MYH15: variants seen among roughly 807,000 people sequenced by gnomAD.
The protein encoded by MYH15 is myosin heavy chain 15.
In MYH15, 227 loss-of-function variants were observed where a neutral mutation model predicts 240.5. The observed-to-expected ratio is 0.94, with a 90% CI of 0.85 to 1.05. The LOEUF (loss-of-function observed/expected upper bound fraction) is 1.05. Among genes scored for constraint, MYH15 ranks in the 50% least tolerant of loss-of-function variants. The pLI is 0.00. For missense variants in MYH15, 2,217 were observed against 2,247.5 expected (o/e 0.99, Z 0.27); for synonymous variants, 785 against 796.7 (o/e 0.99, Z 0.25).
At chr3:108,546,262 GCTGT>G in the MYH15 span, among the ~76,000 whole-genome samples, 1 of 152,150 alleles carries the variant, frequency 6.6e-6, no homozygotes, top group Non-Finnish European at 1.5e-5. Flanking sequence ...GATGAACAGT[GCTGT>G]CTTTTGCTAG....
At chr3:108,458,796 T>C (rs1277266525) in intron 18 of MYH15, among the ~76,000 whole-genome samples, 2 of 151,602 alleles carry the variant, frequency 1.3e-5, no homozygotes, top group South Asian at 2.1e-4. Flanking sequence ...ATCATCCCCC[T>C]ACCACTATTC....
intron 1 of MYH15, among the ~76,000 whole-genome samples, chr3:108,507,710 G>A (rs1303604651): frequency 6.6e-6 from 1 of 152,126 alleles, no homozygotes; most frequent in East Asian, 1.9e-4. Context: ...AAAACTGCTT[G>A]GCAAGAGGAG....
Position 108,470,064 on chromosome 3 carries a change from G to A in MYH15, c.1532C>T (p.Ala511Val), listed in dbSNP as rs1211735056. The A allele has an allele frequency of 6.2e-7, 1 of 1,603,904 alleles. No homozygotes were observed. The highest frequency in any genetic ancestry group is 1.1e-5 in the South Asian group (1 of 88,632). ...TACCTTCTCAATGAGATCTATGCAAGCTTGCAAATCCAGACCAAAGCCAAT... is the reference window on the plus strand; with the variant it reads ...TACCTTCTCAATGAGATCTATGCAAACTTGCAAATCCAGACCAAAGCCAAT... The part of the protein sequence containing the change: ...VSIGFGLDLQ[A>V]CIDLIEKPMG... The change falls in exon 14 of 41, where the codon GCT (alanine) becomes GTT (valine). Residue 511 changes from alanine (A) to valine (V), a missense_variant. By Grantham distance (64) the Ala-to-Val change is moderately conservative. Coordinates refer to ENST00000693548, the MANE Select transcript of MYH15 (RefSeq NM_014981.3).
chr3:108,430,665 C>T (rs1050437732), intron 26 of MYH15, among the ~76,000 whole-genome samples, 167 bp downstream of exon 26: 1 of 152,288 alleles, frequency 6.6e-6, no homozygotes, highest in Non-Finnish European at 1.5e-5. Flanking sequence ...AAGCTTAACT[C>T]TATCTGTGGA....
At chr3:108,415,685 A>T (rs1248078208) in intron 29 of MYH15, among the ~76,000 whole-genome samples, 1 of 152,198 alleles carries the variant, frequency 6.6e-6, no homozygotes, top group African/African-American at 2.4e-5. Context: ...TCATCCCTCT[A>T]AGACTTCGGT....
At chr3:108,510,090 T>C (rs1237855215) in intron 1 of MYH15, among the ~76,000 whole-genome samples, 1 of 152,176 alleles carries the variant, frequency 6.6e-6, no homozygotes, top group Non-Finnish European at 1.5e-5. Context: ...CCCCTCTCTC[T>C]ACTGTGGCAT....
rs376164516 is a variant in MYH15 at position 108,430,821 on chromosome 3, T to C, written c.3312+11A>G. The C allele has an allele frequency of 2.4e-5, 38 of 1,597,796 alleles. No homozygotes were observed. In the African/African-American group the frequency reaches 4.5e-4, roughly 19 times the overall value. On this transcript the variant is annotated intron_variant, in intron 26 of 40. Transcript: ENST00000693548. ...AATATAAATACACAGGCATATTTGATAATTGATTACCTGAAGCTCTTTAAC... is the reference window on the plus strand; with the variant it reads ...AATATAAATACACAGGCATATTTGACAATTGATTACCTGAAGCTCTTTAAC...
At chr3:108,414,562 A>AGAG in intron 29 of MYH15, 134 bp from the exon 30 acceptor site, 1 of 684,210 alleles carries the variant, frequency 1.5e-6, no homozygotes, top group Non-Finnish European at 2.4e-6. Flanking sequence ...GAACCTAGTA[A>AGAG]GATAACACTA....
chr3:108,464,803 G>C lies in MYH15; in HGVS notation c.1566C>G (p.Ile522Met). 1 of 1,607,762 alleles carries C rather than the reference G, an allele frequency of 6.2e-7. No homozygotes were observed. The highest frequency in any genetic ancestry group is 8.5e-7 in the Non-Finnish European group (1 of 1,178,032). Residue 522 changes from isoleucine to methionine, a missense_variant, in exon 15 of 41, where the codon ATC becomes ATG. Coordinates refer to ENST00000693548, the MANE Select transcript of MYH15 (RefSeq NM_014981.3). ...TACACTCTTCTTCAAGGATGGAAAG[G>C]ATGCCCATTGGCTGTTGAAGAGACA... ...CIDLIEKPMG[I>M]LSILEEECMF...
chr3:108,523,355 T>C (rs2083637830), intron 1 of MYH15, among the ~76,000 whole-genome samples: 1 of 151,944 alleles, frequency 6.6e-6, no homozygotes, highest in Non-Finnish European at 1.5e-5. Context: ...TTTCTGGGTA[T>C]AAATTAGGGT....
At chr3:108,517,079 G>A (rs1490975513) in intron 1 of MYH15, among the ~76,000 whole-genome samples, 1 of 151,968 alleles carries the variant, frequency 6.6e-6, no homozygotes, top group Non-Finnish European at 1.5e-5. Context: ...CTGGTTGCTG[G>A]GGTCCCTTCT....
At chr3:108,436,844 T>A (rs1337054392) in intron 25 of MYH15, among the ~76,000 whole-genome samples, 1 of 151,966 alleles carries the variant, frequency 6.6e-6, no homozygotes, top group Non-Finnish European at 1.5e-5. Context: ...TTATTTGGTA[T>A]AATCTAAATA....
chr3:108,471,218 A>G (rs1282345090), intron 12 of MYH15, among the ~76,000 whole-genome samples: 2 of 152,120 alleles, frequency 1.3e-5, no homozygotes, highest in African/African-American at 4.8e-5. Flanking sequence ...GAGAGGAATC[A>G]TGTTCCTATT....
intron 28 of MYH15, 43 bp from the exon 29 acceptor site, chr3:108,416,973 A>T (rs762178988): frequency 7.0e-7 from 1 of 1,433,850 alleles, no homozygotes; most frequent in Non-Finnish European, 9.8e-7. Flanking sequence ...CAGTCTTCCT[A>T]TCTATTGCCT....
In MYH15 at chr3:108,384,775, TC is replaced by T; in HGVS notation, c.5542del (p.Glu1848LysfsTer6). On this transcript the variant is annotated frameshift_variant, in exon 39 of 41. Coordinates refer to ENST00000693548, the MANE Select transcript of MYH15 (RefSeq NM_014981.3). LOFTEE classifies it high-confidence loss of function. ...CATCCTGCTCAGATTCTTCTTGTCT[TC>T]CTCTGCCTGCAATACATAGGCATGT... ...CIKELTYQAE[E>X]DKKNLSRMQT... 1 of 1,613,644 alleles carries T rather than the reference TC, an allele frequency of 6.2e-7. No individual in the cohort carries two copies. The highest frequency in any genetic ancestry group is 1.1e-5 in the South Asian group (1 of 91,070).
In MYH15 at chr3:108,408,173, A is replaced by T. The variant is rs535552177; in HGVS notation, c.4620+107T>A. ...TTGGCAGAGTGCCTAGCATATAGTA[A>T]ATAAACATTTGAATACGTGTCCTTT... On this transcript the variant is annotated intron_variant, in intron 32 of 40. Coordinates refer to ENST00000693548, the MANE Select transcript of MYH15 (RefSeq NM_014981.3). 8 of 1,299,676 alleles carry T rather than the reference A, an allele frequency of 6.2e-6. No individual in the cohort carries two copies. In the South Asian group the frequency reaches 1.2e-4, roughly 19 times the overall value. 80.5% of individuals were successfully genotyped at this position (1,299,676 alleles called of 1,614,324 possible).
intron 1 of MYH15, among the ~76,000 whole-genome samples, chr3:108,507,684 C>T (rs2083489132): frequency 6.6e-6 from 1 of 152,186 alleles, no homozygotes; most frequent in African/African-American, 2.4e-5. Flanking sequence ...TCCCTGATTA[C>T]AAACAATTCA....
intron 11 of MYH15, among the ~76,000 whole-genome samples, chr3:108,477,271 A>C (rs1017747857): frequency 5.3e-5 from 8 of 152,188 alleles, no homozygotes; most frequent in Non-Finnish European, 1.0e-4. Context: ...CAGAACAGGC[A>C]ATCCATAAGG....
chr3:108,505,047 T>G (rs1576273788), intron 2 of MYH15, among the ~76,000 whole-genome samples: 1 of 152,210 alleles, frequency 6.6e-6, no homozygotes, highest in African/African-American at 2.4e-5. Context: ...TTACTCAAAT[T>G]ATACATCTCA....
Sources: gnomAD v4.1 joint callset for allele counts (sites outside exome capture counted in the v4.1 genomes callset) on GRCh38, gnomAD v4.1.1 for gene constraint, MANE v1.5 for transcripts, NCBI Gene and HGNC (gene_info 2026-07-23, HGNC 2026-07-21) for gene names.